GPRC5C: variants seen among roughly 807,000 people sequenced by gnomAD.
GPRC5C encodes G protein-coupled receptor class C group 5 member C, also known as G protein-coupled receptor family C group 5 member C.
In GPRC5C, 22 loss-of-function variants were observed where a neutral mutation model predicts 31.4. That is an observed-to-expected ratio of 0.70 (90% CI 0.50 to 1.00). The LOEUF (loss-of-function observed/expected upper bound fraction) is 1.00, where lower values mean the gene tolerates loss of function less well. Among genes scored for constraint, GPRC5C ranks in the 50% least tolerant of loss-of-function variants. GPRC5C has a pLI of 0.00. For missense variants in GPRC5C, 557 were observed against 597.2 expected, an observed-to-expected ratio of 0.93 and a Z score of 0.70; for synonymous variants, 249 against 257.5, an observed-to-expected ratio of 0.97 and a Z score of 0.32.
At chr17:74,443,456 G>T (rs1409053210) in intron 2 of GPRC5C, 2 of 386,306 alleles carry the variant, frequency 5.2e-6, no homozygotes, top group South Asian at 2.0e-5. Flanking sequence ...CTTGGAAGGC[G>T]GCCGAAGGCC....
chr17:74,451,307 G>C (rs1443306115), downstream of GPRC5C: 3 of 152,204 alleles, frequency 2.0e-5, no homozygotes. Flanking sequence ...AGTCCTCTGG[G>C]GGTCTGCGCG....
At chr17:74,436,479 T>C (rs1488475492) in intron 1 of GPRC5C, among the ~76,000 whole-genome samples, 2 of 152,216 alleles carry the variant, frequency 1.3e-5, no homozygotes, top group Non-Finnish European at 2.9e-5. Context: ...GTCTCTCTCC[T>C]GCAGGTAAAT....
In GPRC5C at chr17:74,440,573, G is replaced by C; in HGVS notation, c.797G>C (p.Gly266Ala). 1 of 1,613,872 alleles carries C rather than the reference G, an allele frequency of 6.2e-7. No individual in the cohort carries two copies. The highest frequency in any genetic ancestry group is 8.5e-7 in the Non-Finnish European group (1 of 1,179,956). ...GTGTGGATCGTCATGTATACTTACG[G>C]CAACAAGCAGCACAACAGTCCCACC... Reference protein sequence around the residue: ...WVVWIVMYTYGNKQHNSPTWD... With the variant: ...WVVWIVMYTYANKQHNSPTWD... Residue 266 changes from glycine to alanine, a missense_variant, in exon 2 of 4, where the codon GGC becomes GCC. Gly to Ala is a moderately conservative substitution (Grantham distance 60). Transcript: ENST00000392627. This position sits in a 1 kb window ranked among gnomAD's most constrained non-coding sequence, Gnocchi z 4.4.
intron 3 of GPRC5C, chr17:74,446,588 G>A (rs1043221536): frequency 2.3e-6 from 1 of 436,014 alleles, no homozygotes; most frequent in Admixed American, 3.9e-5. Context: ...TCTTGAGAAG[G>A]GGATCCCCCT....
At chr17:74,439,642 A>G in intron 1 of GPRC5C, 103 bp from the exon 2 acceptor site, 2 of 1,071,804 alleles carry the variant, frequency 1.9e-6, no homozygotes, top group Non-Finnish European at 2.7e-6. Flanking sequence ...CACGGTCAGC[A>G]GCTAGCACTA....
rs145618350 is a variant in GPRC5C, at chr17:74,440,616, G to A, written c.840G>A (p.Leu280=). Residue 280 remains leucine, a synonymous_variant, in exon 2 of 4, where the codon CTG becomes CTA. Transcript: ENST00000392627. This position sits in a 1 kb window ranked among gnomAD's most constrained non-coding sequence, Gnocchi z 4.4. ...GTCCCACCTGGGATGACCCCACGCTGGCCATCGCCCTCGCCGCCAATGCCT... is the reference window on the plus strand; with the variant it reads ...GTCCCACCTGGGATGACCCCACGCTAGCCATCGCCCTCGCCGCCAATGCCT... The part of the protein sequence containing the change: ...HNSPTWDDPT[L]AIALAANAWA... The A allele has an allele frequency of 2.3e-4, 365 of 1,609,688 alleles. No homozygotes were observed. In the African/African-American group the frequency reaches 4.6e-3, roughly 20 times the overall value.
At chr17:74,438,232 T>C (rs2055468776) in intron 1 of GPRC5C, among the ~76,000 whole-genome samples, 1 of 114,922 alleles carries the variant, frequency 8.7e-6, no homozygotes, top group Non-Finnish European at 1.6e-5. Context: ...TATATATATA[T>C]ATATATATAT....
chr17:74,436,207 A>G (rs968063480), intron 1 of GPRC5C, among the ~76,000 whole-genome samples: 1 of 152,136 alleles, frequency 6.6e-6, no homozygotes, highest in Admixed American at 6.5e-5. Flanking sequence ...TACTTGGCAA[A>G]CTGAATTCTT....
intron 1 of GPRC5C, 23 bp downstream of exon 1, chr17:74,432,164 G>A (rs1055772109): frequency 2.5e-6 from 4 of 1,602,514 alleles, no homozygotes; most frequent in African/African-American, 1.3e-5. Context: ...GGGGAGGGCC[G>A]GGCAGGCTTT....
chr17:74,432,744 C>A (rs986079654), intron 1 of GPRC5C, among the ~76,000 whole-genome samples: 3 of 151,856 alleles, frequency 2.0e-5, no homozygotes, highest in African/African-American at 7.3e-5. Context: ...GGAAACCACT[C>A]CATAATCGGG....
intron 1 of GPRC5C, among the ~76,000 whole-genome samples, chr17:74,435,778 T>C (rs946838539): frequency 6.6e-6 from 1 of 152,232 alleles, no homozygotes; most frequent in African/African-American, 2.4e-5. Flanking sequence ...CAAGTATTTC[T>C]AGGGCAAGAT....
Position 74,439,926 on chromosome 17 carries a change from C to A in GPRC5C, c.150C>A (p.Gly50=). The A allele has an allele frequency of 6.2e-7, 1 of 1,612,142 alleles. No individual in the cohort carries two copies. Among genetic ancestry groups the A allele is most frequent in the Non-Finnish European group, 8.5e-7 (1 of 1,179,992 alleles). ...TGTGTGACCGCTCTGGGGCGTGGGGCATCGTCCTGGAGGCCGTGGCTGGGG... is the reference window on the plus strand; with the variant it reads ...TGTGTGACCGCTCTGGGGCGTGGGGAATCGTCCTGGAGGCCGTGGCTGGGG... ...YNLCDRSGAW[G]IVLEAVAGAG... The change falls in exon 2 of 4, where the codon GGC becomes GGA. Residue 50 remains glycine, a synonymous_variant. Transcript: ENST00000392627.
At chr17:74,450,968 C>G (rs1214223566), downstream of GPRC5C, 1 of 152,304 alleles carries the variant, frequency 6.6e-6, no homozygotes, top group Admixed American at 6.5e-5. Context: ...TCCCCAGCAG[C>G]CTGTGCCTTT....
In GPRC5C at chr17:74,439,709, G is replaced by A. The variant is rs761543251; in HGVS notation, c.-32-36G>A. On this transcript the variant is annotated intron_variant, in intron 1 of 3. Coordinates refer to ENST00000392627, the MANE Select transcript of GPRC5C (RefSeq NM_022036.4). ...CCATGTATATTGGAGTCTGATCTTG[G>A]AGGACTAATTTTGTCCCTTTTCCTT... is the stretch of plus-strand genomic sequence containing the variant. The A allele has an allele frequency of 3.2e-6, 5 of 1,556,686 alleles. No individual in the cohort carries two copies. The African/African-American group carries it at 4.1e-5, about 13-fold the overall frequency.
Position 74,432,152 on chromosome 17 carries a change from G to A in GPRC5C, c.-33+11G>A, listed in dbSNP as rs1252009384. 1 of 1,609,864 alleles carries A rather than the reference G, an allele frequency of 6.2e-7. No individual in the cohort carries two copies. The highest frequency in any genetic ancestry group is 8.5e-7 in the Non-Finnish European group (1 of 1,178,370). On this transcript the variant is annotated intron_variant, in intron 1 of 3. Coordinates refer to ENST00000392627, the MANE Select transcript of GPRC5C (RefSeq NM_022036.4). ...CGGCTCAGCCTGGAGGTGAGTCGGG[G>A]CGGGGAGGGCCGGGCAGGCTTTGTT...
chr17:74,446,498 G>A (rs2055637583), intron 3 of GPRC5C: 1 of 204,964 alleles, frequency 4.9e-6, no homozygotes, highest in South Asian at 1.7e-4. Context: ...TGGGAGCTAT[G>A]TCAGACAGGT....
At chr17:74,449,646 C>G (rs944584885), downstream of GPRC5C, 8 of 251,606 alleles carry the variant, frequency 3.2e-5, no homozygotes, top group East Asian at 8.3e-4. Flanking sequence ...TCCAACTCCC[C>G]TCTTGACACG....
At chr17:74,448,235 A>C (rs1376862219), downstream of GPRC5C, among the ~76,000 whole-genome samples, 1 of 152,204 alleles carries the variant, frequency 6.6e-6, no homozygotes, top group Admixed American at 6.5e-5. Context: ...CAGGAGGTCG[A>C]GGCTGCAGTG....
chr17:74,446,941 G>A lies in GPRC5C; in HGVS notation c.1239G>A (p.Met413Ile). The change falls in exon 4 of 4, where the codon ATG (methionine) becomes ATA (isoleucine). Residue 413 changes from methionine to isoleucine, a missense_variant. Transcript: ENST00000392627. ...ACTCGACCCTGCGGGCTGAAGACAT[G>A]TACTCGGCCCAGAGCCACCAGGCGG... Reference protein sequence around the residue: ...SANSTLRAEDMYSAQSHQAAT... With the variant: ...SANSTLRAEDIYSAQSHQAAT... 1 of 1,614,202 alleles carries A rather than the reference G, an allele frequency of 6.2e-7. No homozygotes were observed. The highest frequency in any genetic ancestry group is 1.3e-5 in the African/African-American group (1 of 75,078).
Sources: allele counts gnomAD v4.1 joint callset (sites outside exome capture counted in the v4.1 genomes callset), GRCh38; gene constraint gnomAD v4.1.1; non-coding constraint Gnocchi (gnomAD v3.1); transcripts MANE v1.5; gene names NCBI Gene and HGNC (gene_info 2026-07-23, HGNC 2026-07-21).